LGMN: variants seen among roughly 807,000 people sequenced by gnomAD.
The protein encoded by LGMN is asparaginyl endopeptidase.
In LGMN, 36 loss-of-function variants were observed where a neutral mutation model predicts 56.8. That is an observed-to-expected ratio of 0.63 (90% confidence interval 0.49 to 0.84). LGMN has a LOEUF of 0.84. Ranked by LOEUF, LGMN falls within the 40% of genes least tolerant of loss-of-function variation. The pLI is 0.00. For missense variants in LGMN, 446 were observed against 556.1 expected (o/e 0.80, Z 1.99); for synonymous variants, 199 against 210.1 (o/e 0.95, Z 0.46).
At chr14:92,708,740 C>T (rs2140205994) in intron 11 of LGMN, among the ~76,000 whole-genome samples, 1 of 151,430 alleles carries the variant, frequency 6.6e-6, no homozygotes, top group South Asian at 2.1e-4. Context: ...GCCTGTAATC[C>T]CAGCTACTTG....
chr14:92,717,506 C>T (rs771854229), intron 3 of LGMN, 45 bp from the exon 4 acceptor site: 130 of 1,346,100 alleles, frequency 9.7e-5, no homozygotes, highest in Middle Eastern at 1.8e-4. Context: ...GGCATGCCTC[C>T]GAAATCTCTC....
At chr14:92,706,364 C>T in intron 12 of LGMN, 119 bp downstream of exon 12, 1 of 794,510 alleles carries the variant, frequency 1.3e-6, no homozygotes, top group Non-Finnish European at 1.9e-6. Context: ...CTGAAATGAG[C>T]CCACTGTTTC....
Position 92,704,625 on chromosome 14 carries a change from C to CG in LGMN, c.1259+14dup, listed in dbSNP as rs1889329866. On this transcript the variant is annotated intron_variant, in intron 13 of 13. Coordinates refer to ENST00000334869, the MANE Select transcript of LGMN (RefSeq NM_005606.7). ...ATGACATCGACCTTTCAAGCGTCAC[C>CG]GCTGCATTAGTTACCTGTGAAGCGG... 6.2e-7 allele frequency: 1 copy of CG among 1,603,324 alleles called. No homozygotes were observed.
chr14:92,744,276 C>A (rs887695808), intron 1 of LGMN, among the ~76,000 whole-genome samples: 1 of 152,116 alleles, frequency 6.6e-6, no homozygotes, highest in African/African-American at 2.4e-5. Flanking sequence ...ATACTCTTCA[C>A]GGTTATCTAA....
intron 1 of LGMN, among the ~76,000 whole-genome samples, chr14:92,739,559 G>A (rs1403337974): frequency 6.6e-6 from 1 of 152,204 alleles, no homozygotes; most frequent in Non-Finnish European, 1.5e-5. Flanking sequence ...CTTCGTGGAG[G>A]TGGCATTCCA....
chr14:92,746,088 T>C (rs1366916628), intron 1 of LGMN, among the ~76,000 whole-genome samples: 1 of 152,252 alleles, frequency 6.6e-6, no homozygotes, highest in Non-Finnish European at 1.5e-5. Context: ...CCCAAAGTGC[T>C]GCGATTACAG....
rs545138731 is a variant in LGMN, at chr14:92,713,615, G to C, written c.543+208C>G. ...TACTGGGTCAAACTCTGGGGGCGAGGCCCACACTGTTTTAACAAGCTCTCC... is the reference window on the plus strand; with the variant it reads ...TACTGGGTCAAACTCTGGGGGCGAGCCCCACACTGTTTTAACAAGCTCTCC... On this transcript the variant is annotated intron_variant, in intron 7 of 13. Transcript: ENST00000334869. Among the ~76,000 whole-genome samples the C allele has an allele frequency of 6.6e-5, 10 of 152,262 alleles. No homozygotes were observed. The South Asian group carries it at 2.1e-3, about 32-fold the overall frequency.
Position 92,711,650 on chromosome 14 carries a change from C to T in LGMN, c.819+9G>A, listed in dbSNP as rs1211424534. 2 of 1,613,480 alleles carry T rather than the reference C, an allele frequency of 1.2e-6. No individual in the cohort carries two copies. Among genetic ancestry groups the T allele is most frequent in the South Asian group, 1.1e-5 (1 of 91,056 alleles). On this transcript the variant is annotated intron_variant, in intron 10 of 13. Transcript: ENST00000334869. Reference sequence around the variant, plus strand: ...AACAGAGGGCCAGCACGCGAGGCTCCCGACTCACTTTGTTTCCATACTGCA... The same window carrying T: ...AACAGAGGGCCAGCACGCGAGGCTCTCGACTCACTTTGTTTCCATACTGCA...
At chr14:92,743,364 G>T (rs758334506) in intron 1 of LGMN, among the ~76,000 whole-genome samples, 1 of 152,012 alleles carries the variant, frequency 6.6e-6, no homozygotes, top group South Asian at 2.1e-4. Context: ...TTAGCCAGGC[G>T]TGGTGGCGGG....
chr14:92,713,736 G>A (rs1270350093), intron 7 of LGMN, 87 bp downstream of exon 7: 2 of 903,254 alleles, frequency 2.2e-6, no homozygotes. Flanking sequence ...CCCACAGTTG[G>A]AGGACGGTCA....
At chr14:92,706,837 C>T (rs905103367) in intron 11 of LGMN, among the ~76,000 whole-genome samples, 184 bp from the exon 12 acceptor site, 19 of 152,250 alleles carry the variant, frequency 1.2e-4, no homozygotes, top group Non-Finnish European at 1.8e-4. Flanking sequence ...ACTTGTGCGA[C>T]GGTCAGAAAG....
chr14:92,723,194 G>C (rs1890569557), intron 2 of LGMN, among the ~76,000 whole-genome samples: 1 of 152,020 alleles, frequency 6.6e-6, no homozygotes, highest in Non-Finnish European at 1.5e-5. Flanking sequence ...TTACAGGTGA[G>C]CACCACCACA....
chr14:92,705,403 G>A (rs1889378113), intron 12 of LGMN, among the ~76,000 whole-genome samples: 1 of 152,080 alleles, frequency 6.6e-6, no homozygotes, highest in African/African-American at 2.4e-5. Context: ...TCGGGAGGCT[G>A]AGGCAGGAGA....
intron 2 of LGMN, among the ~76,000 whole-genome samples, chr14:92,720,213 G>A (rs1890389140): frequency 6.6e-6 from 1 of 152,178 alleles, no homozygotes; most frequent in African/African-American, 2.4e-5. Context: ...GCTTCTATTT[G>A]TCCAGCACTG....
At chr14:92,707,249 T>TG (rs1555396423) in intron 11 of LGMN, among the ~76,000 whole-genome samples, 6 of 144,034 alleles carry the variant, frequency 4.2e-5, no homozygotes, top group African/African-American at 1.5e-4. Flanking sequence ...ATCAAAAAAC[T>TG]AAAAAAAAAA....
chr14:92,735,388 G>C lies in LGMN; in HGVS notation c.-29-2573C>G, dbSNP rs149951123. On this transcript the variant is annotated intron_variant, in intron 1 of 13. Coordinates refer to ENST00000334869, the MANE Select transcript of LGMN (RefSeq NM_005606.7). ...TGCCCAGCTAATTTTTGTATTTTTA[G>C]TGGAGACAGGGTTTCGCCATGTTGC... 1.6e-3 allele frequency among the ~76,000 whole-genome samples: 249 copies of C among 152,276 alleles called. 2 individuals carry two copies. Among genetic ancestry groups the C allele is most frequent in the African/African-American group, 5.7e-3 (237 of 41,548 alleles).
intron 11 of LGMN, 78 bp downstream of exon 11, chr14:92,709,594 G>C: frequency 8.7e-7 from 1 of 1,155,760 alleles, no homozygotes; most frequent in South Asian, 1.3e-5. Flanking sequence ...GAGCATAGGA[G>C]GCAGGGCCGT....
At chr14:92,739,683 G>GTAA (rs1891463351) in intron 1 of LGMN, among the ~76,000 whole-genome samples, 1 of 152,178 alleles carries the variant, frequency 6.6e-6, no homozygotes, top group Non-Finnish European at 1.5e-5. Flanking sequence ...GGTGTCATTT[G>GTAA]TAAAAGGGGA....
chr14:92,719,302 A>ACCGCCACCG (rs1890310019), intron 2 of LGMN, among the ~76,000 whole-genome samples: 1 of 43,246 alleles, frequency 2.3e-5, no homozygotes, highest in Non-Finnish European at 4.7e-5. Context: ...CGCCGCCGCC[A>ACCGCCACCG]CCGCCGCCAC....
Sources: allele counts gnomAD v4.1 joint callset (sites outside exome capture counted in the v4.1 genomes callset), GRCh38; gene constraint gnomAD v4.1.1; transcripts MANE v1.5; gene names NCBI Gene and HGNC (gene_info 2026-07-23, HGNC 2026-07-21).